Variants in NBDY observed in about 807,000 individuals in gnomAD.
NBDY encodes P-body dissociating protein.
intron 2 of NBDY, among the ~76,000 whole-genome samples, chrX:56,781,711 G>A (rs1291173872): frequency 5.4e-5 from 6 of 111,839 alleles, no homozygotes; most frequent in Non-Finnish European, 9.4e-5. Context: ...AGTTATGCAC[G>A]GGGACATGGT....
intron 2 of NBDY, among the ~76,000 whole-genome samples, chrX:56,747,829 T>C (rs775933644): frequency 7.8e-4 from 87 of 111,215 alleles, no homozygotes; most frequent in African/African-American, 2.8e-3. Flanking sequence ...ATCAGTGAAT[T>C]TGAGAAAGTT....
chrX:56,738,699 G>T (rs1371220195), intron 2 of NBDY, among the ~76,000 whole-genome samples: 1 of 111,932 alleles, frequency 8.9e-6, no homozygotes, highest in Non-Finnish European at 1.9e-5. Context: ...ACTGAGCACA[G>T]GAGCTTCCAT....
In NBDY at chrX:56,759,993, G is replaced by A. The variant is rs949760024; in HGVS notation, c.*166+27794G>A. ...GACCAGAGTAAACAGCCCCAGTCTCGACCATCAGTGCCCAGTGGCTTCCCT... is the reference window on the plus strand; with the variant it reads ...GACCAGAGTAAACAGCCCCAGTCTCAACCATCAGTGCCCAGTGGCTTCCCT... On this transcript the variant is annotated intron_variant, in intron 2 of 2. Coordinates refer to ENST00000374922, the MANE Select transcript of NBDY (RefSeq NM_001348129.2). Among the ~76,000 whole-genome samples, 8 of 112,513 alleles carry A rather than the reference G, an allele frequency of 7.1e-5. 1 individual carries two copies. The South Asian group carries it at 2.2e-3, about 31-fold the overall frequency.
At chrX:56,730,346 A>C (rs919096794) in intron 1 of NBDY, among the ~76,000 whole-genome samples, 2 of 106,018 alleles carry the variant, frequency 1.9e-5, no homozygotes, top group African/African-American at 6.9e-5. Flanking sequence ...CCCCGTCTCT[A>C]CTAAAGTTAC....
intron 2 of NBDY, among the ~76,000 whole-genome samples, chrX:56,781,394 A>G (rs1396497494): frequency 8.9e-6 from 1 of 111,840 alleles, no homozygotes; most frequent in African/African-American, 3.3e-5. Context: ...TGTGGGCAGC[A>G]GGGAACAGGG....
intron 2 of NBDY, among the ~76,000 whole-genome samples, chrX:56,764,680 T>G (rs1602657608): frequency 1.9e-5 from 1 of 53,513 alleles, no homozygotes; most frequent in African/African-American, 5.4e-5. Context: ...CTGTTTTTGG[T>G]GCCAAAAACC....
intron 2 of NBDY, among the ~76,000 whole-genome samples, chrX:56,755,888 A>C (rs375705334): frequency 9.6e-6 from 1 of 104,573 alleles, no homozygotes; most frequent in East Asian, 3.0e-4. Flanking sequence ...CTTGGAACCA[A>C]CCCAAATGTC....
intron 2 of NBDY, among the ~76,000 whole-genome samples, chrX:56,814,492 C>CA (rs1420820669): frequency 1.9e-5 from 2 of 106,152 alleles, no homozygotes; most frequent in East Asian, 4.5e-4. Flanking sequence ...TTATGAACCA[C>CA]ATTTTTTTTT....
intron 2 of NBDY, among the ~76,000 whole-genome samples, chrX:56,800,460 G>T (rs12556927): frequency 0.57 from 62,363 of 109,847 alleles, 15,524 homozygotes; most frequent in Non-Finnish European, 0.77. Context: ...GGGGGTGGGG[G>T]CAGTGTGGAG....
At chrX:56,751,782 T>A (rs1400041441) in intron 2 of NBDY, among the ~76,000 whole-genome samples, 3 of 112,327 alleles carry the variant, frequency 2.7e-5, no homozygotes, top group African/African-American at 9.7e-5. Flanking sequence ...CTTTTTAAAA[T>A]TTTAACTATT....
In NBDY at chrX:56,818,386, G is replaced by T. The variant is rs2069920221; in HGVS notation, c.*1233G>T. ...AGAATCTGAAAAATCACAAATGGAGGTATGGTGACATTTATGTATATTCTA... is the reference window on the plus strand; with the variant it reads ...AGAATCTGAAAAATCACAAATGGAGTTATGGTGACATTTATGTATATTCTA... On this transcript the variant is annotated 3_prime_UTR_variant, in exon 3 of 3. Coordinates refer to ENST00000374922, the MANE Select transcript of NBDY (RefSeq NM_001348129.2). 1 of 111,569 alleles carries T rather than the reference G, an allele frequency of 9.0e-6. No homozygotes were observed. The highest frequency in any genetic ancestry group is 1.9e-5 in the Non-Finnish European group (1 of 53,081). The allele number at this position is 111,569 out of a possible 1,213,427, so 9.2% of individuals were successfully genotyped here.
intron 2 of NBDY, among the ~76,000 whole-genome samples, chrX:56,734,523 C>T (rs1411960121): frequency 8.9e-6 from 1 of 112,453 alleles, no homozygotes; most frequent in Non-Finnish European, 1.9e-5. Flanking sequence ...TTAAACTGTA[C>T]AAAGCAAATT....
At chrX:56,793,653 C>T (rs998146263) in intron 2 of NBDY, among the ~76,000 whole-genome samples, 4 of 110,920 alleles carry the variant, frequency 3.6e-5, no homozygotes, top group African/African-American at 1.3e-4. Flanking sequence ...TGGGGAAATC[C>T]GAGGGGCACA....
intron 2 of NBDY, among the ~76,000 whole-genome samples, chrX:56,794,645 C>T (rs1243473965): frequency 1.9e-5 from 2 of 103,071 alleles, no homozygotes; most frequent in Non-Finnish European, 4.0e-5. Flanking sequence ...GCACTGGGGG[C>T]AGTGTGAGGG....
rs182559939 is a variant in NBDY, at chrX:56,744,796, A to G, written c.*166+12597A>G. 1.6e-4 allele frequency among the ~76,000 whole-genome samples: 18 copies of G among 111,477 alleles called. No individual in the cohort carries two copies. In the East Asian group the frequency reaches 1.7e-3, roughly 10 times the overall value. On this transcript the variant is annotated intron_variant, in intron 2 of 2. Coordinates refer to ENST00000374922, the MANE Select transcript of NBDY (RefSeq NM_001348129.2). ...TATAAACTATGTTTTTTTCCTATAC[A>G]TACATATGTATGATAAAGTTAAATT...
At chrX:56,729,978 T>C (rs756788971) in intron 1 of NBDY, among the ~76,000 whole-genome samples, 43 of 109,528 alleles carry the variant, frequency 3.9e-4, no homozygotes, top group Non-Finnish European at 7.4e-4. Context: ...TTTGCGTGCA[T>C]TGGAAAATTT....
At chrX:56,767,495 G>C (rs1324706678) in intron 2 of NBDY, among the ~76,000 whole-genome samples, 1 of 112,985 alleles carries the variant, frequency 8.9e-6, no homozygotes, top group Non-Finnish European at 1.9e-5. Flanking sequence ...TGTGGAGGGA[G>C]AGCCGCGGGC....
chrX:56,748,765 C>T (rs1209420865), intron 2 of NBDY, among the ~76,000 whole-genome samples: 3 of 100,742 alleles, frequency 3.0e-5, no homozygotes, highest in African/African-American at 1.1e-4. Flanking sequence ...TTAGCATTAA[C>T]GGTTTCCGTG....
chrX:56,731,024 A>T (rs1323385429), intron 1 of NBDY, among the ~76,000 whole-genome samples: 4 of 111,372 alleles, frequency 3.6e-5, no homozygotes, highest in Non-Finnish European at 5.7e-5. Flanking sequence ...AGTACATAAT[A>T]GGAGTGAAAC....
Sources: gnomAD v4.1 joint callset for allele counts (sites outside exome capture counted in the v4.1 genomes callset) on GRCh38, gnomAD v4.1.1 for gene constraint, MANE v1.5 for transcripts, NCBI Gene and HGNC (gene_info 2026-07-23, HGNC 2026-07-21) for gene names.